The following NDRG4 variants were observed in gnomAD, a reference collection of about 807,000 sequenced individuals.
NDRG4 encodes NDRG family member 4.
NDRG4 carries 38 observed loss-of-function variants against 55.8 expected under a neutral mutation model. The ratio of observed to expected loss-of-function variants is 0.68; its 90% CI spans 0.53 to 0.89. NDRG4 has a LOEUF of 0.89. Ranked by LOEUF, NDRG4 falls within the 40% of genes least tolerant of loss-of-function variation. The pLI is 0.00. For synonymous variants in NDRG4, 190 were observed against 182.7 expected, an observed-to-expected ratio of 1.04 and a Z score of -0.32; for missense variants, 455 against 468.6, an observed-to-expected ratio of 0.97 and a Z score of 0.27.
Position 58,489,898 on chromosome 16 carries a change from G to A in NDRG4, c.72+2048G>A, listed in dbSNP as rs980012381. On this transcript the variant is annotated intron_variant, in intron 2 of 15. Coordinates refer to the NDRG4 transcript ENST00000258187. ...CTCACTCTGTCACCCAGGCTGGAGT[G>A]CAGTAGTGCCATCATAGCCCACTGC... Among the ~76,000 whole-genome samples, 3 of 151,914 alleles carry A rather than the reference G, an allele frequency of 2.0e-5. No individual in the cohort carries two copies. The South Asian group carries it at 6.2e-4, about 32-fold the overall frequency.
intron 13 of NDRG4, among the ~76,000 whole-genome samples, 170 bp from the exon 14 acceptor site, chr16:58,510,475 G>A (rs1410570742): frequency 1.3e-5 from 2 of 152,168 alleles, no homozygotes; most frequent in Non-Finnish European, 2.9e-5. Context: ...GGGTGGGCAG[G>A]CAGGAGTGGG....
intron 5 of NDRG4, chr16:58,506,150 G>C: frequency 3.2e-6 from 2 of 628,390 alleles, no homozygotes; most frequent in Non-Finnish European, 5.7e-6. Context: ...GTGTGTGTGT[G>C]TGTGTGTCTG....
At chr16:58,504,990 G>A (rs571886920) in intron 5 of NDRG4, among the ~76,000 whole-genome samples, 1 of 152,130 alleles carries the variant, frequency 6.6e-6, no homozygotes, top group East Asian at 1.9e-4. Flanking sequence ...TAATTGCCAT[G>A]GTATTTCAAC....
At position 58,504,422 on chromosome 16, in the gene NDRG4, G is replaced by T; in HGVS notation, c.311+1G>T. Reference sequence around the variant, plus strand: ...TCCCCAGCGTGGTGCAGCATTTCGGGTGAGTCCCCGCACAGCCCCTGCGCT... The same window carrying T: ...TCCCCAGCGTGGTGCAGCATTTCGGTTGAGTCCCCGCACAGCCCCTGCGCT... On this transcript the variant is annotated splice_donor_variant, in intron 4 of 14. Transcript: ENST00000570248. LOFTEE classifies it high-confidence loss of function. 6.2e-7 allele frequency: 1 copy of T among 1,612,238 alleles called. No individual in the cohort carries two copies. Among genetic ancestry groups the T allele is most frequent in the Non-Finnish European group, 8.5e-7 (1 of 1,180,020 alleles).
At chr16:58,471,428 C>G (rs1301814162) in intron 1 of NDRG4, among the ~76,000 whole-genome samples, 1 of 152,062 alleles carries the variant, frequency 6.6e-6, no homozygotes. Context: ...ATCACTCTGG[C>G]TGTGTGACCT....
chr16:58,506,805 C>A, intron 7 of NDRG4, 107 bp from the exon 8 acceptor site: 1 of 1,239,054 alleles, frequency 8.1e-7, no homozygotes, highest in Non-Finnish European at 1.2e-6. Flanking sequence ...CCCCTGCCTG[C>A]TGAGTGGGGC....
intron 1 of NDRG4, chr16:58,487,673 C>G: frequency 8.5e-7 from 1 of 1,174,464 alleles, no homozygotes. Context: ...TTCCGCGCTC[C>G]CGCCCCAGCC....
At chr16:58,489,639 C>G (rs1437017122) in intron 2 of NDRG4, among the ~76,000 whole-genome samples, 1 of 152,028 alleles carries the variant, frequency 6.6e-6, no homozygotes, top group Non-Finnish European at 1.5e-5. Flanking sequence ...GTTCCCAGGA[C>G]AGAGATCTGT....
rs2038416658 is a variant in NDRG4, at chr16:58,509,021, T to C, written c.777+12T>C. The C allele has an allele frequency of 6.2e-7, 1 of 1,613,986 alleles. No individual in the cohort carries two copies. Among genetic ancestry groups the C allele is most frequent in the Admixed American group, 1.7e-5 (1 of 60,008 alleles). ...CGACCTTCCTGAAGGTGAGGCTTTCTTCCCCAGCCCTGGGCCAGCTTCCCT... is the reference window on the plus strand; with the variant it reads ...CGACCTTCCTGAAGGTGAGGCTTTCCTCCCCAGCCCTGGGCCAGCTTCCCT... On this transcript the variant is annotated intron_variant, in intron 11 of 14. Coordinates refer to ENST00000570248, the MANE Select transcript of NDRG4 (RefSeq NM_001242835.2).
downstream of NDRG4, among the ~76,000 whole-genome samples, chr16:58,513,966 A>C (rs1333722019): frequency 6.6e-6 from 1 of 152,160 alleles, no homozygotes; most frequent in East Asian, 1.9e-4. Flanking sequence ...TCAAAATAAA[A>C]CAAAAAAACA....
chr16:58,511,076 A>C (rs891278363), intron 14 of NDRG4: 1 of 469,332 alleles, frequency 2.1e-6, no homozygotes, highest in Non-Finnish European at 3.8e-6. Context: ...GCACAGTCTG[A>C]ATTGAGGGCA....
chr16:58,506,951 C>G lies in NDRG4; in HGVS notation c.556C>G (p.Arg186Gly). 6.2e-7 allele frequency: 1 copy of G among 1,614,098 alleles called. No individual in the cohort carries two copies. Among genetic ancestry groups the G allele is most frequent in the Non-Finnish European group, 8.5e-7 (1 of 1,180,006 alleles). ...CAACACAGAGTTGGTGCAGAGCTAC[C>G]GGCAGCAGATTGGGAACGTGGTGAA... ...VNNTELVQSY[R>G]QQIGNVVNQA... Residue 186 changes from arginine to glycine, a missense_variant, in exon 8 of 15, where the codon CGG becomes GGG. Physicochemically the swap from Arg to Gly is moderately radical, Grantham distance 125. Transcript: ENST00000570248.
intron 1 of NDRG4, among the ~76,000 whole-genome samples, chr16:58,470,496 G>A (rs1248246329): frequency 6.6e-6 from 1 of 152,236 alleles, no homozygotes; most frequent in Admixed American, 6.5e-5. Flanking sequence ...ACTAGAACCT[G>A]TAAATGTTAC....
upstream of NDRG4, among the ~76,000 whole-genome samples, chr16:58,496,156 C>T (rs900462990): frequency 3.9e-5 from 6 of 152,136 alleles, no homozygotes; most frequent in African/African-American, 1.4e-4. Context: ...GATGCCAGCC[C>T]CAGCACACAG....
intron 1 of NDRG4, among the ~76,000 whole-genome samples, chr16:58,487,272 A>G (rs8045662): frequency 0.024 from 3,693 of 152,264 alleles, 144 homozygotes; most frequent in African/African-American, 0.085. Context: ...TGAAATCTCA[A>G]CACTTTGGGA....
At chr16:58,506,636 G>A in intron 7 of NDRG4, 22 bp downstream of exon 7, 1 of 1,544,998 alleles carries the variant, frequency 6.5e-7, no homozygotes, top group Non-Finnish European at 8.7e-7. Flanking sequence ...AACTTCTGCA[G>A]ATCTGGGGTG....
intron 1 of NDRG4, among the ~76,000 whole-genome samples, chr16:58,487,163 T>G (rs1281769864): frequency 6.6e-6 from 1 of 152,192 alleles, no homozygotes; most frequent in Non-Finnish European, 1.5e-5. Flanking sequence ...GAATGTTGCA[T>G]GTAATTGTTT....
rs139129118 is a variant in NDRG4, at chr16:58,507,984, C to G, written c.714C>G (p.Pro238=). 1.0e-5 allele frequency: 16 copies of G among 1,581,112 alleles called. No individual in the cohort carries two copies. In the Admixed American group the frequency reaches 2.7e-4, roughly 27 times the overall value. Residue 238 remains proline, a synonymous_variant, in exon 10 of 15, where the codon CCC becomes CCG. Coordinates refer to ENST00000570248, the MANE Select transcript of NDRG4 (RefSeq NM_001242835.2). ...TGCTGGTGGTTGGGGATAATGCACC[C>G]GCTGAGGACGGGGTGGTAAGTGAGG... ...PVMLVVGDNA[P]AEDGVVECNS... is the part of the protein sequence containing the mutation.
intron 8 of NDRG4, chr16:58,507,577 C>T (rs966457602): frequency 5.4e-6 from 3 of 551,330 alleles, no homozygotes; most frequent in African/African-American, 1.9e-5. Context: ...GAAACTCCCA[C>T]AGCACAGGTG....
Sources: gnomAD v4.1 joint callset for allele counts (sites outside exome capture counted in the v4.1 genomes callset) on GRCh38, gnomAD v4.1.1 for gene constraint, MANE v1.5 for transcripts, NCBI Gene and HGNC (gene_info 2026-07-23, HGNC 2026-07-21) for gene names.